Variants in SHISA5 observed in about 807,000 individuals in gnomAD.
SHISA5 encodes the protein shisa family member 5, also known as protein shisa-5.
A neutral mutation model predicts 27.5 loss-of-function variants in SHISA5; 21 were observed. That is an observed-to-expected ratio of 0.76 (90% CI 0.54 to 1.10). SHISA5 has a LOEUF of 1.10. SHISA5 is among the 50% of genes least tolerant of loss of function. The pLI, the probability that SHISA5 is intolerant of heterozygous loss-of-function variation, is 0.00. For synonymous variants in SHISA5, 137 were observed against 142.2 expected (o/e 0.96, Z 0.26); for missense variants, 314 against 336.3 (o/e 0.93, Z 0.52).
chr3:48,468,776 C>A lies in SHISA5; in HGVS notation c.*331G>T. The A allele has an allele frequency of 7.1e-7, 1 of 1,403,262 alleles. No individual in the cohort carries two copies. The highest frequency in any genetic ancestry group is 1.2e-5 in the South Asian group (1 of 82,644). 86.9% of individuals were successfully genotyped at this position (1,403,262 alleles called of 1,614,324 possible). A position where few individuals can be genotyped will look rare whatever the true frequency, so the allele number is the denominator to read the frequency against. Reference sequence around the variant, plus strand: ...AGCTGGAGAAGAACTCCAGATGTGCCCTGGAGAGGCCCCCACCTCTCAGGG... The same window carrying A: ...AGCTGGAGAAGAACTCCAGATGTGCACTGGAGAGGCCCCCACCTCTCAGGG... On this transcript the variant is annotated 3_prime_UTR_variant, in exon 6 of 6. Transcript: ENST00000296444.
At position 48,469,000 on chromosome 3, in the gene SHISA5, GT is replaced by G; in HGVS notation, c.*106del. 1 of 1,577,184 alleles carries G rather than the reference GT, an allele frequency of 6.3e-7. No individual in the cohort carries two copies. The highest frequency in any genetic ancestry group is 8.6e-7 in the Non-Finnish European group (1 of 1,158,042). On this transcript the variant is annotated 3_prime_UTR_variant, in exon 6 of 6. Coordinates refer to ENST00000296444, the MANE Select transcript of SHISA5 (RefSeq NM_016479.6). The stretch of plus-strand genomic sequence containing the variant: ...CAGCACACATGGGGCGTAAGGAACC[GT>G]GCCTGGACACACACAGCACACATGG...
chr3:48,486,484 C>A (rs1237318781), intron 2 of SHISA5, among the ~76,000 whole-genome samples: 4 of 96,658 alleles, frequency 4.1e-5, no homozygotes, highest in Admixed American at 1.6e-4. Flanking sequence ...ATATATATTA[C>A]ATATTATATA....
intron 2 of SHISA5, among the ~76,000 whole-genome samples, chr3:48,491,872 C>T (rs938644538): frequency 6.6e-6 from 1 of 152,084 alleles, no homozygotes; most frequent in South Asian, 2.1e-4. Flanking sequence ...CTACTGATTT[C>T]TCTCCCTTTT....
intron 2 of SHISA5, among the ~76,000 whole-genome samples, chr3:48,480,861 G>A (rs1189488934): frequency 1.3e-5 from 2 of 152,068 alleles, no homozygotes; most frequent in Admixed American, 1.3e-4. Flanking sequence ...TTGAGAGATC[G>A]AGGCAGGCAG....
At chr3:48,498,547 C>T (rs929827097) in intron 2 of SHISA5, among the ~76,000 whole-genome samples, 4 of 151,690 alleles carry the variant, frequency 2.6e-5, no homozygotes, top group Admixed American at 2.6e-4. Flanking sequence ...ATTAGCCAGG[C>T]GTGGCAGCAT....
chr3:48,501,380 C>G (rs1053004810), intron 1 of SHISA5, 87 bp from the exon 2 acceptor site: 1 of 876,806 alleles, frequency 1.1e-6, no homozygotes, highest in Admixed American at 2.6e-5. Flanking sequence ...GCCACCAGAC[C>G]ACACACACAC....
intron 2 of SHISA5, among the ~76,000 whole-genome samples, chr3:48,495,393 CAA>C (rs1247892664): frequency 3.5e-5 from 3 of 86,572 alleles, no homozygotes; most frequent in Admixed American, 1.2e-4. Flanking sequence ...TGAAGTGGCT[CAA>C]AAAAAAAAAA....
chr3:48,487,615 C>G (rs1479855691), intron 2 of SHISA5, among the ~76,000 whole-genome samples: 5 of 152,164 alleles, frequency 3.3e-5, no homozygotes, highest in African/African-American at 1.2e-4. Context: ...GAAATACCAG[C>G]TGGGCGCAGT....
At chr3:48,482,409 A>G (rs2041054967) in intron 2 of SHISA5, among the ~76,000 whole-genome samples, 2 of 152,122 alleles carry the variant, frequency 1.3e-5, no homozygotes, top group Non-Finnish European at 1.5e-5. Flanking sequence ...TGTCTCGAAA[A>G]CAATAAATAA....
chr3:48,491,275 T>G (rs898408319), intron 2 of SHISA5, among the ~76,000 whole-genome samples: 1 of 152,018 alleles, frequency 6.6e-6, no homozygotes, highest in Non-Finnish European at 1.5e-5. Context: ...CCCGTCACCA[T>G]GCCCAGCTAA....
chr3:48,482,320 A>G (rs2107329329), intron 2 of SHISA5, among the ~76,000 whole-genome samples: 1 of 149,704 alleles, frequency 6.7e-6, no homozygotes, highest in East Asian at 2.1e-4. Context: ...TGGGAGGATC[A>G]CTTGAGCCCA....
rs117914489 is a variant in SHISA5, at chr3:48,502,751, A to G, written c.76+1268T>C. Among the ~76,000 whole-genome samples the G allele has an allele frequency of 1.1e-4, 16 of 152,346 alleles. No individual in the cohort carries two copies. The East Asian group carries it at 1.5e-3, about 15-fold the overall frequency. On this transcript the variant is annotated intron_variant, in intron 1 of 5. Coordinates refer to ENST00000296444, the MANE Select transcript of SHISA5 (RefSeq NM_016479.6). ...AGTCCAGCAAGGCCCACAAGTCCGC[A>G]GTAGGCAGGGGACAGGTCTGATGAT...
intron 2 of SHISA5, among the ~76,000 whole-genome samples, chr3:48,486,860 CAG>C (rs1416727763): frequency 4.7e-5 from 7 of 148,742 alleles, no homozygotes; most frequent in Admixed American, 2.0e-4. Context: ...GTGGAGGTTA[CAG>C]TGAGCCGAGA....
chr3:48,481,744 G>T (rs918190200), intron 2 of SHISA5, among the ~76,000 whole-genome samples: 123 of 151,720 alleles, frequency 8.1e-4, no homozygotes, highest in African/African-American at 2.7e-3. Context: ...CCAAGATCAT[G>T]CCATTGCACT....
At position 48,473,013 on chromosome 3, in the gene SHISA5, A is replaced by C; in HGVS notation, c.315-3170T>G. 2.0e-6 allele frequency: 3 copies of C among 1,535,766 alleles called. No individual in the cohort carries two copies. The highest frequency in any genetic ancestry group is 2.6e-6 in the Non-Finnish European group (3 of 1,146,742). On this transcript the variant is annotated intron_variant, in intron 3 of 5. Transcript: ENST00000296444. This position sits in a 1 kb window ranked among gnomAD's most constrained non-coding sequence, Gnocchi z 4.3. ...GCAGCATGGCGCCCAAGCTCACCCCATGTTAGCCTCTGCCTTCACCCAGAG... is the reference window on the plus strand; with the variant it reads ...GCAGCATGGCGCCCAAGCTCACCCCCTGTTAGCCTCTGCCTTCACCCAGAG...
At chr3:48,496,760 C>T (rs1213437828) in intron 2 of SHISA5, among the ~76,000 whole-genome samples, 1 of 149,144 alleles carries the variant, frequency 6.7e-6, no homozygotes, top group Non-Finnish European at 1.5e-5. Flanking sequence ...GAAATTTAAA[C>T]TACACTATTT....
intron 2 of SHISA5, among the ~76,000 whole-genome samples, chr3:48,494,948 A>G (rs2041506766): frequency 6.8e-6 from 1 of 147,018 alleles, no homozygotes; most frequent in Non-Finnish European, 1.5e-5. Flanking sequence ...AGATCTGTGC[A>G]TTTTACTGTA....
Position 48,482,795 on chromosome 3 carries a change from C to T in SHISA5, c.234-3538G>A, listed in dbSNP as rs151096013. On this transcript the variant is annotated intron_variant, in intron 2 of 5. Coordinates refer to ENST00000296444, the MANE Select transcript of SHISA5 (RefSeq NM_016479.6). The stretch of plus-strand genomic sequence containing the variant: ...GGATTACAGGCATGTGCCACACACC[C>T]GGCTAATTTTTGTATTTTTAGTAGA... 3.6e-3 allele frequency among the ~76,000 whole-genome samples: 552 copies of T among 152,144 alleles called. 3 individuals are homozygous for T. Among genetic ancestry groups the T allele is most frequent in the African/African-American group, 0.013 (528 of 41,514 alleles).
chr3:48,503,815 G>A, intron 1 of SHISA5: 1 of 1,261,412 alleles, frequency 7.9e-7, no homozygotes, highest in Non-Finnish European at 1.0e-6. Context: ...GCTGCCTGGT[G>A]TCTAGGCAGG....
Sources: gnomAD v4.1 joint callset for allele counts (sites outside exome capture counted in the v4.1 genomes callset) on GRCh38, gnomAD v4.1.1 for gene constraint, Gnocchi (gnomAD v3.1) non-coding constraint, MANE v1.5 for transcripts, NCBI Gene and HGNC (gene_info 2026-07-23, HGNC 2026-07-21) for gene names.